ZNF438: variants seen among roughly 807,000 people sequenced by gnomAD.
The protein encoded by ZNF438 is zinc finger protein 438.
A neutral mutation model predicts 38.0 loss-of-function variants in ZNF438; 25 were observed. The ratio of observed to expected loss-of-function variants is 0.66; its 90% CI spans 0.48 to 0.92. The LOEUF (loss-of-function observed/expected upper bound fraction) is 0.92. ZNF438 is among the 40% of genes least tolerant of loss of function. The probability of loss-of-function intolerance (pLI) is 0.00; values close to 1 mark genes in which losing one functional copy is unlikely to be tolerated. For missense variants in ZNF438, 1,007 were observed against 999.6 expected (o/e 1.01, Z -0.10); for synonymous variants, 372 against 364.1 (o/e 1.02, Z -0.25).
intron 1 of ZNF438, among the ~76,000 whole-genome samples, chr10:30,965,560 A>G (rs1379159548): frequency 3.3e-5 from 5 of 152,244 alleles, no homozygotes; most frequent in Non-Finnish European, 5.9e-5. Flanking sequence ...TATATACATC[A>G]TGGAATACTA....
At chr10:30,879,200 C>T (rs1294453794) in intron 3 of ZNF438, among the ~76,000 whole-genome samples, 1 of 152,108 alleles carries the variant, frequency 6.6e-6, no homozygotes, top group Non-Finnish European at 1.5e-5. Context: ...ATTGCCTGTT[C>T]CCATTAGCTA....
intron 1 of ZNF438, among the ~76,000 whole-genome samples, chr10:31,011,662 C>A (rs528158201): frequency 6.6e-6 from 1 of 152,288 alleles, no homozygotes; most frequent in South Asian, 2.1e-4. Context: ...ACGAGATTCT[C>A]ACTCAGAAGC....
At chr10:31,020,758 C>T (rs2056535925) in intron 1 of ZNF438, among the ~76,000 whole-genome samples, 1 of 151,454 alleles carries the variant, frequency 6.6e-6, no homozygotes, top group African/African-American at 2.4e-5. Flanking sequence ...ACTTATTGTT[C>T]ATAATGTTAA....
At chr10:30,845,619 C>T (rs776474424) in intron 5 of ZNF438, 46 bp from the exon 7 acceptor site, 3 of 1,564,024 alleles carry the variant, frequency 1.9e-6, no homozygotes, top group Non-Finnish European at 2.6e-6. Context: ...TGGAAAAATG[C>T]AATTGGAATC....
chr10:31,014,713 G>C (rs993574106), intron 1 of ZNF438, among the ~76,000 whole-genome samples: 1 of 152,066 alleles, frequency 6.6e-6, no homozygotes, highest in African/African-American at 2.4e-5. Context: ...CAAAACATGA[G>C]CAACAGTACT....
intron 4 of ZNF438, among the ~76,000 whole-genome samples, chr10:30,870,981 T>C (rs1252292296): frequency 2.6e-5 from 4 of 152,136 alleles, no homozygotes; most frequent in Non-Finnish European, 4.4e-5. Context: ...TCCAGATCAG[T>C]GTTCCTTCAC....
exon 6 of ZNF438, chr10:30,844,815 A>G: frequency 9.4e-7 from 1 of 1,062,568 alleles, no homozygotes; most frequent in Admixed American, 2.4e-5. Flanking sequence ...TCGTTAAGAA[A>G]ATAAAACCAT....
At chr10:30,966,029 C>A (rs1005460909) in intron 1 of ZNF438, among the ~76,000 whole-genome samples, 4 of 152,188 alleles carry the variant, frequency 2.6e-5, no homozygotes, top group African/African-American at 7.2e-5. Context: ...ATCTGGCAGT[C>A]TCATTCATTC....
At chr10:31,027,143 A>G (rs1162113961) in intron 1 of ZNF438, among the ~76,000 whole-genome samples, 1 of 152,100 alleles carries the variant, frequency 6.6e-6, no homozygotes, top group African/African-American at 2.4e-5. Context: ...CCTAATGTAA[A>G]TGACGAGTTA....
intron 1 of ZNF438, among the ~76,000 whole-genome samples, chr10:30,970,663 C>A (rs1374252262): frequency 6.6e-6 from 1 of 152,160 alleles, no homozygotes; most frequent in Non-Finnish European, 1.5e-5. Context: ...CCCCTTTCTA[C>A]CAATTCCCAT....
chr10:30,922,833 C>T (rs375175754), intron 2 of ZNF438, among the ~76,000 whole-genome samples: 82 of 146,378 alleles, frequency 5.6e-4, no homozygotes, highest in African/African-American at 1.8e-3. Context: ...GAAACTTTGT[C>T]TCAAAAAAAA....
chr10:31,022,903 T>G (rs1328741626), intron 1 of ZNF438, among the ~76,000 whole-genome samples: 1 of 152,208 alleles, frequency 6.6e-6, no homozygotes, highest in Non-Finnish European at 1.5e-5. Flanking sequence ...GCATGAATTT[T>G]TAAGCTACAG....
intron 1 of ZNF438, among the ~76,000 whole-genome samples, chr10:31,007,185 T>C (rs556072978): frequency 6.6e-6 from 1 of 151,936 alleles, no homozygotes; most frequent in African/African-American, 2.4e-5. Flanking sequence ...GAAGCCCTGC[T>C]AACAGGATGT....
chr10:30,941,669 G>T lies in ZNF438; in HGVS notation c.-191-18C>A, dbSNP rs942535990. 1 of 152,102 alleles carries T rather than the reference G, an allele frequency of 6.6e-6. No individual in the cohort carries two copies. Among genetic ancestry groups the T allele is most frequent in the African/African-American group, 2.4e-5 (1 of 41,426 alleles). 9.4% of individuals were successfully genotyped at this position (152,102 alleles called of 1,614,324 possible). ...ATTTTTATCTGAAAACAAATGTAGTGGAAATAACAAAATTATAAAGAATTT... is the reference window on the plus strand; with the variant it reads ...ATTTTTATCTGAAAACAAATGTAGTTGAAATAACAAAATTATAAAGAATTT... On this transcript the variant is annotated intron_variant, in intron 1 of 5. Transcript: ENST00000413025.
intron 2 of ZNF438, chr10:30,919,901 T>A (rs2044095627): frequency 1.3e-5 from 2 of 152,364 alleles, no homozygotes; most frequent in South Asian, 4.1e-4. Flanking sequence ...CTATTTCTCC[T>A]TAAAGAAATC....
intron 1 of ZNF438, among the ~76,000 whole-genome samples, chr10:31,021,404 T>G (rs1212323992): frequency 6.6e-6 from 1 of 152,182 alleles, no homozygotes. Context: ...AGTTCTTTAT[T>G]TCATACTGAA....
intron 4 of ZNF438, among the ~76,000 whole-genome samples, chr10:30,854,533 G>A (rs987097548): frequency 6.6e-6 from 1 of 151,336 alleles, no homozygotes; most frequent in African/African-American, 2.4e-5. Flanking sequence ...TAAACAGTGG[G>A]GAAAAAAAGA....
rs375028947 is a variant in ZNF438, at chr10:31,023,305, A to G, written c.-192+8528T>C. On this transcript the variant is annotated intron_variant, in intron 1 of 5. Coordinates refer to ENST00000413025, the Ensembl canonical transcript of ZNF438. ...TATCAAGACTAATTGTGGCAGGCAC[A>G]TAATATAACACACTCCCAAAAGAGA... Among the ~76,000 whole-genome samples the G allele has an allele frequency of 1.7e-4, 26 of 152,332 alleles. 1 individual carries two copies. In the East Asian group the frequency reaches 3.7e-3, roughly 21 times the overall value.
At chr10:30,939,262 A>G (rs2046573646) in intron 2 of ZNF438, among the ~76,000 whole-genome samples, 3 of 152,192 alleles carry the variant, frequency 2.0e-5, no homozygotes, top group Admixed American at 2.0e-4. Context: ...TCAATCGTCA[A>G]CCTTGAGGGT....
Sources: allele counts gnomAD v4.1 joint callset (sites outside exome capture counted in the v4.1 genomes callset), GRCh38; gene constraint gnomAD v4.1.1; transcripts MANE v1.5; gene names NCBI Gene and HGNC (gene_info 2026-07-23, HGNC 2026-07-21).